The following MSRB3 variants were observed in gnomAD, a reference collection of about 807,000 sequenced individuals.
The protein encoded by MSRB3 is methionine-R-sulfoxide reductase B3.
Under a neutral mutation model 21.0 loss-of-function variants are expected in MSRB3, and 13 were observed. The ratio of observed to expected loss-of-function variants is 0.62; its 90% CI spans 0.40 to 0.98. The LOEUF (loss-of-function observed/expected upper bound fraction) is 0.98. Among genes scored for constraint, MSRB3 ranks in the 50% least tolerant of loss-of-function variants. MSRB3 has a pLI of 0.00. For synonymous variants in MSRB3, 87 were observed against 88.6 expected (o/e 0.98, Z 0.10); for missense variants, 199 against 230.3 (o/e 0.86, Z 0.88).
At chr12:65,364,798 G>C (rs1407098364) in intron 4 of MSRB3, among the ~76,000 whole-genome samples, 1 of 152,112 alleles carries the variant, frequency 6.6e-6, no homozygotes, top group African/African-American at 2.4e-5. Context: ...ATAGGAATCT[G>C]AATTAACTTA....
intron 2 of MSRB3, among the ~76,000 whole-genome samples, chr12:65,314,379 GA>G (rs1874165836): frequency 6.6e-6 from 1 of 151,996 alleles, no homozygotes; most frequent in Non-Finnish European, 1.5e-5. Flanking sequence ...ATTTTTGCAT[GA>G]ATGAAAATAT....
At chr12:65,310,224 CT>C (rs2136425533) in intron 2 of MSRB3, among the ~76,000 whole-genome samples, 1 of 152,244 alleles carries the variant, frequency 6.6e-6, no homozygotes, top group African/African-American at 2.4e-5. Flanking sequence ...AGTATGCCCC[CT>C]AGCCCCACAT....
chr12:65,405,444 G>GAT (rs963649973), intron 5 of MSRB3, among the ~76,000 whole-genome samples: 59 of 149,520 alleles, frequency 3.9e-4, no homozygotes, highest in Admixed American at 6.0e-4. Flanking sequence ...TATCATATAT[G>GAT]ATATATATAT....
chr12:65,384,183 TA>T (rs1030822493), intron 5 of MSRB3, among the ~76,000 whole-genome samples: 19 of 152,338 alleles, frequency 1.2e-4, no homozygotes, highest in Middle Eastern at 3.4e-3. Context: ...ATATCTTTTA[TA>T]AAAAGATTGA....
intron 4 of MSRB3, among the ~76,000 whole-genome samples, chr12:65,345,996 T>C (rs1460868334): frequency 6.6e-6 from 1 of 152,220 alleles, no homozygotes. Context: ...GTTGGACATT[T>C]GGGTTGGTTC....
At chr12:65,423,094 C>T (rs1345114348) in intron 5 of MSRB3, among the ~76,000 whole-genome samples, 1 of 151,416 alleles carries the variant, frequency 6.6e-6, no homozygotes, top group Non-Finnish European at 1.5e-5. Flanking sequence ...TCCTGAGTAG[C>T]TGGGATTACA....
In MSRB3 at chr12:65,279,127, C is replaced by T. The variant is rs1871846205; in HGVS notation, c.-52+262C>T. ...GGGAGGCGTCTGGCAGCCTCACTGACACCTTATCCTGTCCCGGGAGCGAAC... is the reference window on the plus strand; with the variant it reads ...GGGAGGCGTCTGGCAGCCTCACTGATACCTTATCCTGTCCCGGGAGCGAAC... On this transcript the variant is annotated intron_variant, in intron 1 of 6. Transcript: ENST00000308259. 3.0e-6 allele frequency: 4 copies of T among 1,320,658 alleles called. No homozygotes were observed. The African/African-American group carries it at 4.6e-5, about 15-fold the overall frequency. 81.8% of individuals were successfully genotyped at this position (1,320,658 alleles called of 1,614,324 possible).
At chr12:65,458,262 T>TA (rs34694258) in intron 6 of MSRB3, among the ~76,000 whole-genome samples, 14 of 152,134 alleles carry the variant, frequency 9.2e-5, no homozygotes, top group Non-Finnish European at 1.3e-4. Flanking sequence ...GATCCTTTTT[T>TA]AAAAAAAATT....
intron 5 of MSRB3, among the ~76,000 whole-genome samples, chr12:65,417,464 A>G (rs1322184210): frequency 2.0e-5 from 3 of 152,200 alleles, no homozygotes; most frequent in Non-Finnish European, 4.4e-5. Context: ...ACTATTTTTA[A>G]CATATGCATT....
intron 5 of MSRB3, among the ~76,000 whole-genome samples, chr12:65,402,835 T>A (rs1414907918): frequency 6.6e-6 from 1 of 152,216 alleles, no homozygotes; most frequent in Non-Finnish European, 1.5e-5. Context: ...TCCTCCCTGT[T>A]AGTTTTTCTT....
At chr12:65,300,433 G>T (rs1167784393) in intron 1 of MSRB3, among the ~76,000 whole-genome samples, 1 of 152,132 alleles carries the variant, frequency 6.6e-6, no homozygotes, top group East Asian at 1.9e-4. Context: ...TTTTGGAAGT[G>T]GTCTCACTGT....
intron 5 of MSRB3, among the ~76,000 whole-genome samples, chr12:65,388,177 AGAT>A (rs1296884815): frequency 2.6e-5 from 4 of 152,200 alleles, no homozygotes; most frequent in Non-Finnish European, 5.9e-5. Context: ...ACATTCCCCT[AGAT>A]TATTTGTATA....
chr12:65,404,115 A>C (rs1880283781), intron 5 of MSRB3, among the ~76,000 whole-genome samples: 1 of 152,172 alleles, frequency 6.6e-6, no homozygotes, highest in Non-Finnish European at 1.5e-5. Flanking sequence ...GCCCAGACTG[A>C]GGGCAGGTGC....
At position 65,322,660 on chromosome 12, in the gene MSRB3, C is replaced by CA. The variant is rs34770864; in HGVS notation, c.77-4145dup. ...TGGGTGACAGAGCGAGACTCCATCT[C>CA]AAAAAAAAAAAAAAAAAAAAAGAAG... On this transcript the variant is annotated intron_variant, in intron 2 of 6. Coordinates refer to ENST00000308259, the MANE Select transcript of MSRB3 (RefSeq NM_001031679.3). Among the ~76,000 whole-genome samples, 640 of 87,400 alleles carry CA rather than the reference C, an allele frequency of 7.3e-3. 2 individuals are homozygous for CA. Among genetic ancestry groups the CA allele is most frequent in the Middle Eastern group, 0.017 (3 of 176 alleles). 57.3% of individuals were successfully genotyped at this position (87,400 alleles called of 152,430 possible). A position where few individuals can be genotyped will look rare whatever the true frequency, so the allele number is the denominator to read the frequency against.
chr12:65,308,946 G>A (rs959018386), intron 2 of MSRB3: 10 of 445,812 alleles, frequency 2.2e-5, no homozygotes, highest in African/African-American at 3.9e-5. Flanking sequence ...AAATCATAAC[G>A]TTCATAAGAG....
chr12:65,314,942 A>C (rs780922068), intron 2 of MSRB3, among the ~76,000 whole-genome samples: 4 of 152,228 alleles, frequency 2.6e-5, no homozygotes, highest in Non-Finnish European at 4.4e-5. Context: ...CAATAATGTT[A>C]TGTGACAGAT....
At chr12:65,357,488 T>C (rs1294830970) in intron 4 of MSRB3, among the ~76,000 whole-genome samples, 1 of 152,032 alleles carries the variant, frequency 6.6e-6, no homozygotes, top group East Asian at 1.9e-4. Flanking sequence ...TACATTAGTG[T>C]GGAATATTTG....
chr12:65,369,170 G>T, intron 5 of MSRB3, 144 bp downstream of exon 5: 2 of 641,088 alleles, frequency 3.1e-6, no homozygotes, highest in South Asian at 3.8e-5. Flanking sequence ...TCAAAGCAGG[G>T]CTATTGACTG....
rs146497737 is a variant in MSRB3, at chr12:65,445,305, C to T, written c.293-8423C>T. The stretch of plus-strand genomic sequence containing the variant: ...CATCTGATATATACGTTTCCATGTT[C>T]CCTCTTATCCCGAATCCCTCCAGTC... On this transcript the variant is annotated intron_variant, in intron 5 of 6. Coordinates refer to ENST00000308259, the MANE Select transcript of MSRB3 (RefSeq NM_001031679.3). Among the ~76,000 whole-genome samples the T allele has an allele frequency of 2.6e-3, 402 of 151,798 alleles. 4 individuals carry two copies. The highest frequency in any genetic ancestry group is 4.7e-3 in the Admixed American group (72 of 15,192).
Sources: gnomAD v4.1 joint callset for allele counts (sites outside exome capture counted in the v4.1 genomes callset) on GRCh38, gnomAD v4.1.1 for gene constraint, MANE v1.5 for transcripts, NCBI Gene and HGNC (gene_info 2026-07-23, HGNC 2026-07-21) for gene names.